TAOK3: variants seen among roughly 807,000 people sequenced by gnomAD.
TAOK3 encodes the protein serine/threonine-protein kinase TAO3.
Under a neutral mutation model 120.4 loss-of-function variants are expected in TAOK3, and 40 were observed. The ratio of observed to expected loss-of-function variants is 0.33; its 90% CI spans 0.26 to 0.43. The LOEUF (loss-of-function observed/expected upper bound fraction) is 0.43. TAOK3 is among the 20% of genes least tolerant of loss of function. TAOK3 has a pLI of 1.00. For missense variants in TAOK3, 821 were observed against 1,112.1 expected (o/e 0.74, Z 3.72); for synonymous variants, 355 against 387.5 (o/e 0.92, Z 0.99).
chr12:118,251,950 T>C (rs1250313142), intron 3 of TAOK3, among the ~76,000 whole-genome samples: 1 of 152,052 alleles, frequency 6.6e-6, no homozygotes, highest in African/African-American at 2.4e-5. Context: ...GCCTCCCCAG[T>C]AGCTGGGACT....
chr12:118,271,800 A>C (rs12099849), intron 1 of TAOK3, among the ~76,000 whole-genome samples: 1 of 152,224 alleles, frequency 6.6e-6, no homozygotes, highest in African/African-American at 2.4e-5. Context: ...ATGACCATTC[A>C]AATTAATCCT....
intron 17 of TAOK3, among the ~76,000 whole-genome samples, chr12:118,163,940 G>C (rs1208058980): frequency 6.6e-6 from 1 of 151,922 alleles, no homozygotes; most frequent in Non-Finnish European, 1.5e-5. Context: ...TCGAACTCCC[G>C]ATCTCAGGTG....
intron 9 of TAOK3, among the ~76,000 whole-genome samples, chr12:118,218,022 G>A (rs918236460): frequency 2.0e-5 from 3 of 150,212 alleles, no homozygotes; most frequent in Non-Finnish European, 4.4e-5. Flanking sequence ...ACCACGCCTC[G>A]CTAATTTTTT....
At chr12:118,250,284 T>G (rs2040692596) in intron 3 of TAOK3, among the ~76,000 whole-genome samples, 1 of 152,136 alleles carries the variant, frequency 6.6e-6, no homozygotes, top group African/African-American at 2.4e-5. Context: ...TCAAAATTAC[T>G]TACGTAAATC....
At chr12:118,197,860 T>G (rs2037811726) in intron 13 of TAOK3, among the ~76,000 whole-genome samples, 1 of 151,942 alleles carries the variant, frequency 6.6e-6, no homozygotes. Context: ...GCTAATTTTT[T>G]GTATTTTTAG....
rs1446921701 is a variant in TAOK3 at position 118,199,231 on chromosome 12, G to T, written c.1014C>A (p.Asn338Lys). Residue 338 changes from asparagine (N) to lysine (K), a missense_variant, in exon 13 of 21, where the codon AAC becomes AAA. By Grantham distance (94) the Asn-to-Lys change is moderately conservative. Around this residue, in one of 2 missense-constraint regions of TAOK3, gnomAD observed 467 missense variants for 540.0 expected, o/e 0.86. Transcript: ENST00000392533. ...EEDSEHGTSL[N>K]REMDSLGSNH... is the part of the protein sequence containing the mutation. The stretch of plus-strand genomic sequence containing the variant: ...TGCTGCCCAGGCTGTCCATTTCCCT[G>T]TTCAGGCTGGTTCCATGTTCACTGT... 2.1e-5 allele frequency: 34 copies of T among 1,613,928 alleles called. No individual in the cohort carries two copies. The highest frequency in any genetic ancestry group is 2.8e-5 in the Non-Finnish European group (33 of 1,179,984).
intron 1 of TAOK3, among the ~76,000 whole-genome samples, chr12:118,361,818 A>G (rs1332778381): frequency 6.6e-6 from 1 of 152,094 alleles, no homozygotes; most frequent in Non-Finnish European, 1.5e-5. Context: ...ACGGGGGTAC[A>G]TGCACAGGTT....
intron 10 of TAOK3, among the ~76,000 whole-genome samples, chr12:118,213,601 A>T (rs1388070105): frequency 1.8e-4 from 28 of 152,056 alleles, no homozygotes; most frequent in Non-Finnish European, 1.5e-5. Context: ...GTCTCAACAC[A>T]TTTAAGTGTA....
intron 1 of TAOK3, among the ~76,000 whole-genome samples, chr12:118,336,010 C>T (rs978758124): frequency 5.3e-5 from 8 of 152,206 alleles, no homozygotes; most frequent in Admixed American, 2.0e-4. Flanking sequence ...ATAGAAAAGA[C>T]GTCAATTATC....
intron 1 of TAOK3, among the ~76,000 whole-genome samples, chr12:118,345,772 G>T (rs1330790113): frequency 6.6e-6 from 1 of 151,498 alleles, no homozygotes; most frequent in Non-Finnish European, 1.5e-5. Context: ...TAACTGGAAA[G>T]AAACCAAGAG....
At chr12:118,190,772 G>C (rs1344323737) in intron 13 of TAOK3, among the ~76,000 whole-genome samples, 1 of 152,090 alleles carries the variant, frequency 6.6e-6, no homozygotes, top group Non-Finnish European at 1.5e-5. Flanking sequence ...AGCATTCCCT[G>C]GAAGGATAAT....
At chr12:118,308,423 C>T (rs1739621932) in intron 1 of TAOK3, among the ~76,000 whole-genome samples, 1 of 152,068 alleles carries the variant, frequency 6.6e-6, no homozygotes, top group African/African-American at 2.4e-5. Context: ...AAAAATTAAA[C>T]ATTTACATTT....
intron 1 of TAOK3, among the ~76,000 whole-genome samples, chr12:118,291,101 C>T (rs1471322810): frequency 6.6e-6 from 1 of 151,500 alleles, no homozygotes; most frequent in African/African-American, 2.4e-5. Flanking sequence ...GGTGATCTGT[C>T]TGCCTCGGCG....
intron 10 of TAOK3, 137 bp from the exon 11 acceptor site, chr12:118,213,132 T>A: frequency 2.1e-6 from 1 of 487,684 alleles, no homozygotes; most frequent in Non-Finnish European, 3.6e-6. Context: ...TCAGGATAAC[T>A]GGAGCATTTT....
At chr12:118,237,820 AT>A (rs1425949663) in intron 7 of TAOK3, among the ~76,000 whole-genome samples, 4 of 152,066 alleles carry the variant, frequency 2.6e-5, no homozygotes, top group Non-Finnish European at 5.9e-5. Flanking sequence ...CCTTTTTCAA[AT>A]TTCCCTGCAA....
At chr12:118,253,018 G>A (rs186868289) in intron 3 of TAOK3, among the ~76,000 whole-genome samples, 5 of 152,034 alleles carry the variant, frequency 3.3e-5, no homozygotes, top group Admixed American at 2.0e-4. Flanking sequence ...GAGCCACTGC[G>A]CCCAGCCGAA....
chr12:118,345,609 G>A (rs1421895161), intron 1 of TAOK3, among the ~76,000 whole-genome samples: 1 of 151,810 alleles, frequency 6.6e-6, no homozygotes, highest in Non-Finnish European at 1.5e-5. Context: ...TCTGGTGGGT[G>A]GAGAAAAAAA....
intron 14 of TAOK3, among the ~76,000 whole-genome samples, chr12:118,188,923 A>AGT (rs35868707): frequency 0.58 from 87,615 of 150,874 alleles, 25,698 homozygotes; most frequent in Middle Eastern, 0.71. Context: ...AAACGATGTG[A>AGT]GTGTGTGTGT....
chr12:118,337,805 C>T (rs1287359100), intron 1 of TAOK3, among the ~76,000 whole-genome samples: 1 of 152,152 alleles, frequency 6.6e-6, no homozygotes, highest in Non-Finnish European at 1.5e-5. Flanking sequence ...ATAATGTAGC[C>T]TCATGATAAC....
Sources: allele counts gnomAD v4.1 joint callset (sites outside exome capture counted in the v4.1 genomes callset), GRCh38; gene constraint gnomAD v4.1.1; regional missense constraint gnomAD v4.1.1; transcripts MANE v1.5; gene names NCBI Gene and HGNC (gene_info 2026-07-23, HGNC 2026-07-21).